TAFA2: variants seen among roughly 807,000 people sequenced by gnomAD.
The protein encoded by TAFA2 is chemokine-like protein TAFA-2.
TAFA2 carries 7 observed loss-of-function variants against 18.8 expected under a neutral mutation model. That is an observed-to-expected ratio of 0.37 (90% CI 0.21 to 0.70). The LOEUF is 0.70. TAFA2 is among the 30% of genes least tolerant of loss of function. The pLI, the probability that TAFA2 is intolerant of heterozygous loss-of-function variation, is 0.53. For missense variants in TAFA2, 122 were observed against 158.1 expected, an observed-to-expected ratio of 0.77 and a Z score of 1.23; for synonymous variants, 60 against 54.2, an observed-to-expected ratio of 1.11 and a Z score of -0.47.
At chr12:61,844,623 C>A (rs114833965) in intron 2 of TAFA2, among the ~76,000 whole-genome samples, 1 of 152,014 alleles carries the variant, frequency 6.6e-6, no homozygotes, top group Admixed American at 6.6e-5. Flanking sequence ...TGAAAGTAAA[C>A]AGAAATAACA....
At position 61,756,714 on chromosome 12, in the gene TAFA2, A is replaced by G. The variant is rs370263934; in HGVS notation, c.107-1690T>C. On this transcript the variant is annotated intron_variant, in intron 2 of 4. Transcript: ENST00000416284. ...AAAATACAGTAGAGTAGAGTAGAGT[A>G]ACATGATTCAGAGTAATTTTGTAGG... 1.4e-3 allele frequency among the ~76,000 whole-genome samples: 218 copies of G among 152,252 alleles called. 1 individual carries two copies. Among genetic ancestry groups the G allele is most frequent in the African/African-American group, 4.6e-3 (193 of 41,574 alleles).
intron 2 of TAFA2, among the ~76,000 whole-genome samples, chr12:61,815,690 T>C (rs1872054053): frequency 6.6e-6 from 1 of 150,686 alleles, no homozygotes; most frequent in African/African-American, 2.5e-5. Flanking sequence ...GGCAATTGAA[T>C]CTATTTATTG....
At chr12:61,836,732 G>GATATATATGTGTATATATATAT (rs58543429) in intron 2 of TAFA2, among the ~76,000 whole-genome samples, 3 of 112,788 alleles carry the variant, frequency 2.7e-5, no homozygotes, top group Non-Finnish European at 1.9e-5. Context: ...TTGCCAATTT[G>GATATATATGTGTATATATATAT]ATATATATAT....
At chr12:61,914,832 A>G (rs1346132934) in intron 1 of TAFA2, among the ~76,000 whole-genome samples, 1 of 152,194 alleles carries the variant, frequency 6.6e-6, no homozygotes, top group African/African-American at 2.4e-5. Context: ...AGGCTTAAAA[A>G]AAACCTAAAG....
chr12:61,789,596 T>C (rs1870887844), intron 2 of TAFA2, among the ~76,000 whole-genome samples: 1 of 151,766 alleles, frequency 6.6e-6, no homozygotes, highest in Admixed American at 6.6e-5. Context: ...ATGTAGATAA[T>C]GGGTTGATGG....
rs151077195 is a variant in TAFA2 at position 61,790,027 on chromosome 12, T to G, written c.107-35003A>C. On this transcript the variant is annotated intron_variant, in intron 2 of 4. Coordinates refer to ENST00000416284, the MANE Select transcript of TAFA2 (RefSeq NM_178539.5). The stretch of plus-strand genomic sequence containing the variant: ...ATAAAGATCATTGACCATGACCAAA[T>G]ATGATTCATTCCAGTGAAGCAAGAA... Among the ~76,000 whole-genome samples the G allele has an allele frequency of 7.7e-3, 1,167 of 151,852 alleles. 10 individuals are homozygous for G. The highest frequency in any genetic ancestry group is 0.013 in the Non-Finnish European group (873 of 67,838).
chr12:62,012,487 G>A (rs972198631), intron 1 of TAFA2, among the ~76,000 whole-genome samples: 24 of 151,050 alleles, frequency 1.6e-4, no homozygotes, highest in African/African-American at 5.1e-4. Context: ...GGTGCATATG[G>A]TCAAGATGAG....
chr12:62,183,647 A>C lies in TAFA2; in HGVS notation c.-2+7612T>G, dbSNP rs548488735. On this transcript the variant is annotated intron_variant, in intron 1 of 4. Coordinates refer to ENST00000416284, the MANE Select transcript of TAFA2 (RefSeq NM_178539.5). Reference sequence around the variant, plus strand: ...TGATCCACCTACTTCGGCCTCCCAAAGTGTTGGGATTACAAGCGTGAGTCA... The same window carrying C: ...TGATCCACCTACTTCGGCCTCCCAACGTGTTGGGATTACAAGCGTGAGTCA... 1.3e-4 allele frequency among the ~76,000 whole-genome samples: 20 copies of C among 152,300 alleles called. No individual in the cohort carries two copies. The East Asian group carries it at 3.7e-3, about 28-fold the overall frequency.
intron 1 of TAFA2, among the ~76,000 whole-genome samples, chr12:62,218,605 A>G (rs568103675): frequency 1.4e-4 from 21 of 152,224 alleles, no homozygotes; most frequent in Non-Finnish European, 2.8e-4. Flanking sequence ...AGCACCTACA[A>G]TATGTCAAGC....
chr12:61,938,515 C>A (rs2121413454), intron 1 of TAFA2, among the ~76,000 whole-genome samples: 1 of 152,174 alleles, frequency 6.6e-6, no homozygotes, highest in Middle Eastern at 3.4e-3. Flanking sequence ...TTCTAAAGAA[C>A]TAAAAGTAAA....
At chr12:62,154,984 C>T (rs1442638901) in intron 1 of TAFA2, among the ~76,000 whole-genome samples, 7 of 152,112 alleles carry the variant, frequency 4.6e-5, no homozygotes, top group East Asian at 3.8e-4. Flanking sequence ...GGCATCCAAT[C>T]GGTAAAGAGG....
At chr12:62,068,229 A>G (rs925938840) in intron 1 of TAFA2, among the ~76,000 whole-genome samples, 2 of 152,142 alleles carry the variant, frequency 1.3e-5, no homozygotes, top group African/African-American at 4.8e-5. Flanking sequence ...ATGTTCTTAT[A>G]GATATGAAAG....
rs542287015 is a variant in TAFA2 at position 62,026,466 on chromosome 12, T to C, written c.-1-159040A>G. Reference sequence around the variant, plus strand: ...CTTGGCAAAACCTGGAAACATCTCTTGTCACTAGAACAAGAAGATCTGCTT... The same window carrying C: ...CTTGGCAAAACCTGGAAACATCTCTCGTCACTAGAACAAGAAGATCTGCTT... On this transcript the variant is annotated intron_variant, in intron 1 of 4. Transcript: ENST00000416284. Among the ~76,000 whole-genome samples the C allele has an allele frequency of 3.3e-5, 5 of 152,236 alleles. No homozygotes were observed. The South Asian group carries it at 6.2e-4, about 19-fold the overall frequency.
At chr12:61,773,597 A>T (rs1298781899) in intron 2 of TAFA2, among the ~76,000 whole-genome samples, 3 of 151,920 alleles carry the variant, frequency 2.0e-5, no homozygotes, top group Non-Finnish European at 4.4e-5. Context: ...ACGAAAACAT[A>T]AAGTGGAGAG....
At chr12:62,117,219 A>G (rs1430609271) in intron 1 of TAFA2, among the ~76,000 whole-genome samples, 2 of 152,216 alleles carry the variant, frequency 1.3e-5, no homozygotes, top group African/African-American at 4.8e-5. Context: ...TAGTATTTAC[A>G]AATTCTAAAG....
intron 1 of TAFA2, among the ~76,000 whole-genome samples, chr12:61,873,038 C>T (rs1874685729): frequency 6.6e-6 from 1 of 152,166 alleles, no homozygotes; most frequent in African/African-American, 2.4e-5. Context: ...TGCTCTAGCA[C>T]ATAGAACATC....
intron 2 of TAFA2, among the ~76,000 whole-genome samples, chr12:61,834,131 T>C (rs905631568): frequency 6.6e-6 from 1 of 152,160 alleles, no homozygotes; most frequent in East Asian, 1.9e-4. Context: ...ATCTAAATGC[T>C]TTTATATACA....
intron 2 of TAFA2, among the ~76,000 whole-genome samples, chr12:61,771,793 T>C (rs1374714640): frequency 1.4e-5 from 2 of 146,420 alleles, no homozygotes; most frequent in East Asian, 4.0e-4. Flanking sequence ...AGAGCACAAA[T>C]AAGCAATCTA....
intron 1 of TAFA2, among the ~76,000 whole-genome samples, chr12:61,921,300 T>G (rs1424542394): frequency 1.3e-5 from 2 of 152,184 alleles, no homozygotes; most frequent in Non-Finnish European, 2.9e-5. Context: ...TAAGAGATAT[T>G]GCTGGCTTAG....
Sources: allele counts gnomAD v4.1 joint callset (sites outside exome capture counted in the v4.1 genomes callset), GRCh38; gene constraint gnomAD v4.1.1; transcripts MANE v1.5; gene names NCBI Gene and HGNC (gene_info 2026-07-23, HGNC 2026-07-21).